Variants in HADHA observed in about 807,000 individuals in gnomAD.
HADHA encodes trifunctional enzyme subunit alpha, mitochondrial.
HADHA carries 59 observed loss-of-function variants against 91.3 expected under a neutral mutation model. That is an observed-to-expected ratio of 0.65 (90% CI 0.52 to 0.80). HADHA has a LOEUF of 0.80. Among genes scored for constraint, HADHA ranks in the 30% least tolerant of loss-of-function variants. The pLI, the probability that HADHA is intolerant of heterozygous loss-of-function variation, is 0.00. For missense variants in HADHA, 800 were observed against 927.6 expected (o/e 0.86, Z 1.79); for synonymous variants, 320 against 338.9 (o/e 0.94, Z 0.61).
intron 6 of HADHA, among the ~76,000 whole-genome samples, chr2:26,231,104 A>C (rs2147780452): frequency 6.7e-6 from 1 of 149,854 alleles, no homozygotes; most frequent in South Asian, 2.1e-4. Context: ...ATAGTTTAAG[A>C]AAAAAAAAAG....
intron 1 of HADHA, among the ~76,000 whole-genome samples, chr2:26,240,318 A>G (rs756078157): frequency 5.3e-5 from 8 of 152,182 alleles, no homozygotes; most frequent in Non-Finnish European, 1.2e-4. Flanking sequence ...AGGGTGAACA[A>G]AAAAGACAAA....
At chr2:26,220,956 T>A (rs866211490) in intron 7 of HADHA, among the ~76,000 whole-genome samples, 4 of 152,180 alleles carry the variant, frequency 2.6e-5, no homozygotes, top group Non-Finnish European at 5.9e-5. Flanking sequence ...AATAAATCCC[T>A]CCAAAATTCA....
chr2:26,191,274 G>C lies in HADHA; in HGVS notation c.2268C>G (p.Ser756Arg), dbSNP rs1463426110. Residue 756 changes from serine to arginine, a missense_variant, in exon 20 of 20, where the codon AGC (serine) becomes AGG (arginine). By Grantham distance (110) the Ser-to-Arg change is moderately radical. Transcript: ENST00000380649. ...PCQLLADHAN[S>R]PNKKFYQ ...CTCACTGGTAGAACTTCTTGTTAGG[G>C]CTGTTAGCATGGTCAGCTAGCAGCT... 1.1e-5 allele frequency: 18 copies of C among 1,612,854 alleles called. No homozygotes were observed. The East Asian group carries it at 4.0e-4, about 36-fold the overall frequency.
intron 17 of HADHA, among the ~76,000 whole-genome samples, chr2:26,193,293 CTTTTTTT>C (rs370942158): frequency 8.7e-6 from 1 of 115,166 alleles, no homozygotes; most frequent in African/African-American, 3.5e-5. Context: ...CACATGACAT[CTTTTTTT>C]TTTTTTTTTT....
rs1553315305 is a variant in HADHA at position 26,229,348 on chromosome 2, G to GCGCGCACA, written c.676+843_676+844insTGTGCGCG. 3.4e-5 allele frequency among the ~76,000 whole-genome samples: 5 copies of GCGCGCACA among 147,628 alleles called. No individual in the cohort carries two copies. The highest frequency in any genetic ancestry group is 1.3e-4 in the African/African-American group (5 of 39,658). On this transcript the variant is annotated intron_variant, in intron 7 of 19. Coordinates refer to ENST00000380649, the MANE Select transcript of HADHA (RefSeq NM_000182.5). The surrounding 1 kb of genome is among the most constrained non-coding windows in gnomAD (Gnocchi z 4.3). ...GTGAGACCCCAACATGTGTGCGCGC[G>GCGCGCACA]CACACACACACACACACACACACAC...
rs1670080637 is a variant in HADHA, at chr2:26,210,681, C to T, written c.976-792G>A. The T allele has an allele frequency of 6.6e-6, 1 of 152,210 alleles. No individual in the cohort carries two copies. Among genetic ancestry groups the T allele is most frequent in the African/African-American group, 2.4e-5 (1 of 41,454 alleles). The allele number at this position is 152,210 out of a possible 1,614,324, so 9.4% of individuals were successfully genotyped here. On this transcript the variant is annotated intron_variant, in intron 10 of 19. Transcript: ENST00000380649. The surrounding 1 kb of genome is among the most constrained non-coding windows in gnomAD (Gnocchi z 4.0). ...TCTTTTTCCACTGTAGCAGGCTGCC[C>T]ACGTGGGACTTACCACTTTTAAAAG...
intron 1 of HADHA, among the ~76,000 whole-genome samples, chr2:26,240,613 A>T (rs185313730): frequency 2.0e-5 from 3 of 152,298 alleles, no homozygotes; most frequent in Admixed American, 1.3e-4. Flanking sequence ...CCTAAGCAAA[A>T]AAAGGAAATA....
intron 1 of HADHA, 100 bp from the exon 2 acceptor site, chr2:26,239,243 A>G: frequency 1.2e-6 from 1 of 841,876 alleles, no homozygotes; most frequent in South Asian, 1.4e-5. Flanking sequence ...AACAACAAAA[A>G]CCCCAAATCT....
At chr2:26,191,772 G>T in intron 18 of HADHA, 144 bp from the exon 19 acceptor site, 1 of 818,776 alleles carries the variant, frequency 1.2e-6, no homozygotes. Flanking sequence ...GATGCTGCCT[G>T]GGTGAACCAA....
Position 26,193,670 on chromosome 2 carries a change from G to C in HADHA, c.1792C>G (p.His598Asp), listed in dbSNP as rs1474666459. 1.2e-6 allele frequency: 2 copies of C among 1,613,852 alleles called. No homozygotes were observed. The highest frequency in any genetic ancestry group is 1.7e-6 in the Non-Finnish European group (2 of 1,179,914). The change falls in exon 17 of 20, where the codon CAT becomes GAT. Residue 598 changes from histidine to aspartate, a missense_variant. Transcript: ENST00000380649. Reference protein sequence around the residue: ...VDEVGVDVAKHVAEDLGKVFG... With the variant: ...VDEVGVDVAKDVAEDLGKVFG... ...ACTTTGCCCAGATCTTCCGCCACATGTTTCGCTACATCCACACCAACTTCA... is the reference window on the plus strand; with the variant it reads ...ACTTTGCCCAGATCTTCCGCCACATCTTTCGCTACATCCACACCAACTTCA...
intron 3 of HADHA, among the ~76,000 whole-genome samples, chr2:26,238,705 C>CT (rs1327990653): frequency 6.6e-6 from 1 of 152,244 alleles, no homozygotes; most frequent in African/African-American, 2.4e-5. Context: ...AACCAGGAGG[C>CT]TGGTGGCACC....
At chr2:26,218,540 C>A (rs1670294626) in intron 7 of HADHA, among the ~76,000 whole-genome samples, 1 of 152,070 alleles carries the variant, frequency 6.6e-6, no homozygotes, top group African/African-American at 2.4e-5. Flanking sequence ...TAAAAAAGAT[C>A]TTTTCTAATT....
intron 5 of HADHA, among the ~76,000 whole-genome samples, chr2:26,232,501 T>TA (rs1670647758): frequency 1.3e-5 from 2 of 152,130 alleles, no homozygotes; most frequent in African/African-American, 4.8e-5. Flanking sequence ...GTAGATCTCC[T>TA]AAAAAATCTA....
At chr2:26,234,066 A>G in intron 5 of HADHA, 151 bp downstream of exon 5, 1 of 714,738 alleles carries the variant, frequency 1.4e-6, no homozygotes, top group Non-Finnish European at 2.4e-6. Context: ...GGGAGACAAG[A>G]GCAAAATTCC....
intron 7 of HADHA, among the ~76,000 whole-genome samples, chr2:26,220,842 G>A (rs1670357060): frequency 6.6e-6 from 1 of 152,134 alleles, no homozygotes; most frequent in Admixed American, 6.5e-5. Flanking sequence ...ATATCATGCT[G>A]GTTCATTACA....
chr2:26,243,457 T>C (rs575560752), intron 1 of HADHA, among the ~76,000 whole-genome samples: 1 of 152,214 alleles, frequency 6.6e-6, no homozygotes, highest in African/African-American at 2.4e-5. Context: ...TTCTATAATG[T>C]GCTTATGTTA....
At chr2:26,201,125 C>T (rs1558318168) in intron 13 of HADHA, 24 bp downstream of exon 13, 2 of 1,573,772 alleles carry the variant, frequency 1.3e-6, no homozygotes, top group Non-Finnish European at 1.7e-6. Context: ...CACTAGGATT[C>T]AAGTACAACA....
Position 26,209,854 on chromosome 2 carries a change from C to T in HADHA, c.1011G>A (p.Lys337=). The change falls in exon 11 of 20, where the codon AAG becomes AAA. Residue 337 remains lysine, a synonymous_variant. Transcript: ENST00000380649. The part of the protein sequence containing the change: ...FGELVMTKES[K]ALMGLYHGQV... ...GACCATGGTAGAGTCCCATCAAGGC[C>T]TTTGATTCTTTGGTCATTACAAGCT... 3.1e-6 allele frequency: 5 copies of T among 1,603,616 alleles called. No homozygotes were observed. Among genetic ancestry groups the T allele is most frequent in the Non-Finnish European group, 4.3e-6 (5 of 1,170,526 alleles).
At chr2:26,213,047 T>C (rs1553313871) in intron 9 of HADHA, among the ~76,000 whole-genome samples, 1 of 152,140 alleles carries the variant, frequency 6.6e-6, no homozygotes, top group Non-Finnish European at 1.5e-5. Context: ...ATGGCAAATA[T>C]AAAAGATGAA....
Sources: allele counts gnomAD v4.1 joint callset (sites outside exome capture counted in the v4.1 genomes callset), GRCh38; gene constraint gnomAD v4.1.1; non-coding constraint Gnocchi (gnomAD v3.1); transcripts MANE v1.5; gene names NCBI Gene and HGNC (gene_info 2026-07-23, HGNC 2026-07-21).